ART3: variants seen among roughly 807,000 people sequenced by gnomAD.
The protein encoded by ART3 is ecto-ADP-ribosyltransferase 3.
ART3 carries 49 observed loss-of-function variants against 48.5 expected under a neutral mutation model. That is an observed-to-expected ratio of 1.01 (90% CI 0.80 to 1.28). The LOEUF (loss-of-function observed/expected upper bound fraction) is 1.28. ART3 is among the 50% of genes most tolerant of loss of function. The probability of loss-of-function intolerance (pLI) is 0.00; values close to 1 mark genes in which losing one functional copy is unlikely to be tolerated. For missense variants in ART3, 438 were observed against 454.3 expected, an observed-to-expected ratio of 0.96 and a Z score of 0.33; for synonymous variants, 145 against 157.2, an observed-to-expected ratio of 0.92 and a Z score of 0.58.
Position 76,075,887 on chromosome 4 carries a change from A to G in ART3, c.-3A>G, listed in dbSNP as rs780495082. 1.2e-6 allele frequency: 2 copies of G among 1,610,838 alleles called. No individual in the cohort carries two copies. The highest frequency in any genetic ancestry group is 2.2e-5 in the East Asian group (1 of 44,878). On this transcript the variant is annotated 5_prime_UTR_variant, in exon 2 of 12. Coordinates refer to ENST00000355810, the MANE Select transcript of ART3 (RefSeq NM_001130016.3). ...TTTCTTTATTTTAATTTAGAAGAGA[A>G]AAATGAAGACGGGACATTTTGAAAT... is the stretch of plus-strand genomic sequence containing the variant.
At chr4:76,081,570 A>C (rs75103972) in intron 2 of ART3, among the ~76,000 whole-genome samples, 16,844 of 152,246 alleles carry the variant, frequency 0.11, 1,262 homozygotes, top group East Asian at 0.34. Flanking sequence ...ATGTCCAGAT[A>C]AATGAGCTAC....
intron 1 of ART3, among the ~76,000 whole-genome samples, chr4:76,040,442 A>ACACACACACGCGCG (rs778439284): frequency 1.7e-4 from 20 of 115,612 alleles, no homozygotes; most frequent in African/African-American, 6.7e-4. Context: ...CTGGATACAC[A>ACACACACACGCGCG]CACACACACA....
chr4:76,017,756 A>G (rs1226510095), intron 1 of ART3, among the ~76,000 whole-genome samples: 1 of 152,206 alleles, frequency 6.6e-6, no homozygotes, highest in Non-Finnish European at 1.5e-5. Context: ...CCAAAACTCA[A>G]CTTCTAACCA....
chr4:76,078,131 G>C (rs1721545864), intron 2 of ART3, among the ~76,000 whole-genome samples: 1 of 151,178 alleles, frequency 6.6e-6, no homozygotes, highest in African/African-American at 2.4e-5. Context: ...TGTTCACCTA[G>C]CCTTTTGTAC....
At chr4:76,102,827 T>C (rs1199398201) in intron 8 of ART3, among the ~76,000 whole-genome samples, 2 of 152,082 alleles carry the variant, frequency 1.3e-5, no homozygotes, top group East Asian at 3.9e-4. Flanking sequence ...ACGTATTATA[T>C]AGTTAGGAAG....
chr4:76,023,703 A>G (rs914120425), intron 1 of ART3, among the ~76,000 whole-genome samples: 1 of 152,176 alleles, frequency 6.6e-6, no homozygotes, highest in Admixed American at 6.5e-5. Context: ...GTAATAGTGA[A>G]TTAGGTTTCA....
intron 1 of ART3, among the ~76,000 whole-genome samples, chr4:76,015,208 G>A: frequency 6.6e-6 from 1 of 152,148 alleles, no homozygotes; most frequent in East Asian, 1.9e-4. Flanking sequence ...ATTAAAAAAT[G>A]CATAAAACCA....
At chr4:76,086,307 G>T (rs576830087) in intron 3 of ART3, among the ~76,000 whole-genome samples, 1 of 152,148 alleles carries the variant, frequency 6.6e-6, no homozygotes, top group African/African-American at 2.4e-5. Context: ...AAAAAAGAGA[G>T]AGATTCTGCC....
intron 1 of ART3, among the ~76,000 whole-genome samples, chr4:76,063,754 T>C (rs1274837403): frequency 6.6e-6 from 1 of 152,140 alleles, no homozygotes; most frequent in Non-Finnish European, 1.5e-5. Context: ...TTTAAAACAA[T>C]GATAGTGAAA....
chr4:76,062,683 C>T (rs904411166), intron 1 of ART3, among the ~76,000 whole-genome samples: 12 of 151,472 alleles, frequency 7.9e-5, no homozygotes, highest in Admixed American at 2.6e-4. Flanking sequence ...GCCTCAGCCT[C>T]CCGAGTAGCT....
intron 2 of ART3, among the ~76,000 whole-genome samples, chr4:76,078,019 C>T (rs115371042): frequency 1.3e-5 from 2 of 150,364 alleles, no homozygotes; most frequent in African/African-American, 2.5e-5. Context: ...TCTCCTTGAC[C>T]TTTAGGTCAT....
Position 76,082,307 on chromosome 4 carries a change from T to G in ART3, c.553T>G (p.Leu185Val). 1.2e-6 allele frequency: 2 copies of G among 1,614,238 alleles called. No homozygotes were observed. Among genetic ancestry groups the G allele is most frequent in the South Asian group, 2.2e-5 (2 of 91,080 alleles). ...CCAAGCCAGGTTTGGCCATTTTACC[T>G]TGGCATATTCAGCCAAACCTCAGGC... Reference protein sequence around the residue: ...LNQARFGHFTLAYSAKPQAAN... With the variant: ...LNQARFGHFTVAYSAKPQAAN... Residue 185 changes from leucine to valine, a missense_variant, in exon 3 of 12, where the codon TTG becomes GTG. Physicochemically the swap from Leu to Val is conservative, Grantham distance 32 (BLOSUM62 1). This residue lies in a region of ART3 where 5 missense variants were observed against 19.5 expected (regional missense o/e 0.26). Transcript: ENST00000355810.
chr4:76,104,029 C>A, intron 9 of ART3, 60 bp downstream of exon 9: 1 of 1,511,462 alleles, frequency 6.6e-7, no homozygotes, highest in Non-Finnish European at 9.2e-7. Context: ...GATTCCCAGG[C>A]ATTTAAGAGA....
In ART3 at chr4:76,045,140, G is replaced by A. The variant is rs970276880; in HGVS notation, c.-9-30741G>A. Among the ~76,000 whole-genome samples, 35 of 152,090 alleles carry A rather than the reference G, an allele frequency of 2.3e-4. 1 individual carries two copies. The highest frequency in any genetic ancestry group is 3.9e-4 in the East Asian group (2 of 5,192). On this transcript the variant is annotated intron_variant, in intron 1 of 9. Transcript: ENST00000341029. ...ATCACTATGGCGTAACCTGCCCTTC[G>A]TATCCCATTCTTCACAAATGAACTT...
At chr4:76,097,448 C>T (rs1200705206) in intron 3 of ART3, among the ~76,000 whole-genome samples, 196 bp from the exon 4 acceptor site, 2 of 152,108 alleles carry the variant, frequency 1.3e-5, no homozygotes, top group Non-Finnish European at 2.9e-5. Flanking sequence ...CTGAAGCGAT[C>T]CTCCTGCATC....
intron 10 of ART3, among the ~76,000 whole-genome samples, chr4:76,106,741 C>G (rs1326736327): frequency 4.6e-5 from 7 of 152,148 alleles, no homozygotes; most frequent in Admixed American, 1.3e-4. Flanking sequence ...ACTTCCCCCC[C>G]ACCTCCCTTT....
chr4:76,047,465 G>C (rs1735619290), intron 1 of ART3, among the ~76,000 whole-genome samples: 1 of 152,002 alleles, frequency 6.6e-6, no homozygotes, highest in African/African-American at 2.4e-5. Context: ...TGATTCAGGT[G>C]ACAGGGGAGT....
chr4:76,075,823 A>G, intron 1 of ART3, 58 bp from the exon 2 acceptor site: 1 of 1,324,224 alleles, frequency 7.6e-7, no homozygotes, highest in Non-Finnish European at 1.1e-6. Context: ...ATCCTATTCT[A>G]CTTCCCTACA....
At chr4:76,073,861 T>C (rs570957471), upstream of ART3, among the ~76,000 whole-genome samples, 9 of 152,346 alleles carry the variant, frequency 5.9e-5, no homozygotes, top group South Asian at 1.7e-3. Context: ...TTATCCACAT[T>C]GTTATATATG....
Sources: gnomAD v4.1 joint callset for allele counts (sites outside exome capture counted in the v4.1 genomes callset) on GRCh38, gnomAD v4.1.1 for gene constraint, gnomAD v4.1.1 regional missense constraint, MANE v1.5 for transcripts, NCBI Gene and HGNC (gene_info 2026-07-23, HGNC 2026-07-21) for gene names.